Variants in ST7 observed in about 807,000 individuals in gnomAD.
ST7 encodes suppressor of tumorigenicity 7 protein.
Under a neutral mutation model 78.7 loss-of-function variants are expected in ST7, and 28 were observed. That is an observed-to-expected ratio of 0.36 (90% CI 0.26 to 0.49). The LOEUF (loss-of-function observed/expected upper bound fraction) is 0.49, where lower values mean the gene tolerates loss of function less well. Ranked by LOEUF, ST7 falls within the 20% of genes least tolerant of loss-of-function variation. ST7 has a pLI of 0.99. For missense variants in ST7, 418 were observed against 696.0 expected, an observed-to-expected ratio of 0.60 and a Z score of 4.49; for synonymous variants, 247 against 249.6, an observed-to-expected ratio of 0.99 and a Z score of 0.10.
chr7:117,112,094 A>ATGTG (rs149580533), intron 2 of ST7, among the ~76,000 whole-genome samples: 6 of 151,010 alleles, frequency 4.0e-5, no homozygotes, highest in African/African-American at 1.5e-4. Context: ...ATATATATGC[A>ATGTG]TGTGTGTGTG....
At chr7:117,178,677 C>A (rs773667277) in intron 10 of ST7, among the ~76,000 whole-genome samples, 7 of 152,172 alleles carry the variant, frequency 4.6e-5, no homozygotes, top group Non-Finnish European at 1.0e-4. Flanking sequence ...CCTTTTAAAA[C>A]TACGTCTTGA....
intron 3 of ST7, among the ~76,000 whole-genome samples, chr7:117,126,532 A>T (rs1445447105): frequency 6.6e-6 from 1 of 151,944 alleles, no homozygotes; most frequent in Non-Finnish European, 1.5e-5. Context: ...CCTCTAAGAC[A>T]TAAGCTATTA....
At chr7:117,154,100 T>C (rs868813471) in intron 9 of ST7, among the ~76,000 whole-genome samples, 10 of 152,176 alleles carry the variant, frequency 6.6e-5, no homozygotes, top group African/African-American at 2.4e-4. Context: ...CCCAAATTCA[T>C]ATGCCAAAGC....
intron 1 of ST7, among the ~76,000 whole-genome samples, chr7:117,087,306 T>G (rs1375745731): frequency 6.6e-6 from 1 of 152,156 alleles, no homozygotes; most frequent in African/African-American, 2.4e-5. Context: ...GAAAATAGAT[T>G]TATTTTTATT....
At position 117,099,046 on chromosome 7, in the gene ST7, C is replaced by CAAAAAAAAAAAAAAAAAAAAAAAAAA. The variant is rs754881472; in HGVS notation, c.152-697_152-696insAAAAAAAAAAAAAAAAAAAAAAAAAA. 1.6e-4 allele frequency among the ~76,000 whole-genome samples: 5 copies of CAAAAAAAAAAAAAAAAAAAAAAAAAA among 30,828 alleles called. 2 individuals carry two copies. The highest frequency in any genetic ancestry group is 8.4e-4 in the African/African-American group (5 of 5,952). The allele number at this position is 30,828 out of a possible 152,430, so 20.2% of individuals were successfully genotyped here. A position where few individuals can be genotyped will look rare whatever the true frequency, so the allele number is the denominator to read the frequency against. On this transcript the variant is annotated intron_variant, in intron 1 of 15. Transcript: ENST00000323984. Reference sequence around the variant, plus strand: ...TACTTTCTTAATAAACTCACTTTCGCAAAAAAAAAAAAAAAAAAACAAAAA... The same window carrying CAAAAAAAAAAAAAAAAAAAAAAAAAA: ...TACTTTCTTAATAAACTCACTTTCGCAAAAAAAAAAAAAAAAAAAAAAAAAAAAAAAAAAAAAAAAAAAAACAAAAA...
At position 117,136,336 on chromosome 7, in the gene ST7, A is replaced by G; in HGVS notation, c.865+101A>G. On this transcript the variant is annotated intron_variant, in intron 8 of 15. Transcript: ENST00000323984. ...AGTTCAAAATATGATTCTCCTAGAC[A>G]AGAGAAAATATTGGCTTTTGCTTTG... is the stretch of plus-strand genomic sequence containing the variant. 3 of 1,408,272 alleles carry G rather than the reference A, an allele frequency of 2.1e-6. No individual in the cohort carries two copies. The South Asian group carries it at 3.6e-5, about 17-fold the overall frequency. 87.2% of individuals were successfully genotyped at this position (1,408,272 alleles called of 1,614,324 possible).
At chr7:117,107,603 CTTTTTT>C (rs71528121) in intron 2 of ST7, among the ~76,000 whole-genome samples, 4 of 73,582 alleles carry the variant, frequency 5.4e-5, no homozygotes, top group African/African-American at 6.2e-5. Context: ...TAGCCCACTT[CTTTTTT>C]TTTTTTTTTT....
rs1461871231 is a variant in ST7 at position 117,213,967 on chromosome 7, G to C, written c.1405+4030G>C. Among the ~76,000 whole-genome samples, 8 of 152,210 alleles carry C rather than the reference G, an allele frequency of 5.3e-5. No homozygotes were observed. The East Asian group carries it at 1.5e-3, about 29-fold the overall frequency. On this transcript the variant is annotated intron_variant, in intron 13 of 15. Coordinates refer to ENST00000323984, the MANE Select transcript of ST7 (RefSeq NM_001369598.1). Reference sequence around the variant, plus strand: ...CGTTTGAACTGAGTCTTCTTCACTAGGGTATTACACCTATGGGGCCCTATT... The same window carrying C: ...CGTTTGAACTGAGTCTTCTTCACTACGGTATTACACCTATGGGGCCCTATT...
intron 1 of ST7, among the ~76,000 whole-genome samples, chr7:116,984,261 C>T (rs1395484863): frequency 6.6e-6 from 1 of 152,182 alleles, no homozygotes; most frequent in Non-Finnish European, 1.5e-5. Context: ...TCTGAGACTT[C>T]TCAGCCTCCA....
rs1419532323 is a variant in ST7, at chr7:117,229,918, C to G, written c.*61C>G. On this transcript the variant is annotated 3_prime_UTR_variant, in exon 16 of 16. Coordinates refer to ENST00000323984, the MANE Select transcript of ST7 (RefSeq NM_001369598.1). ...TGCCACCATCTCCTCTGTGCCAACT[C>G]CTTGTGGACCGCAAGAAAGCATGAC... 18 of 1,355,716 alleles carry G rather than the reference C, an allele frequency of 1.3e-5. No individual in the cohort carries two copies. The highest frequency in any genetic ancestry group is 1.8e-5 in the Non-Finnish European group (17 of 944,410). The allele number at this position is 1,355,716 out of a possible 1,614,324, so 84.0% of individuals were successfully genotyped here. A position where few individuals can be genotyped will look rare whatever the true frequency, so the allele number is the denominator to read the frequency against.
At chr7:117,151,388 T>C (rs1000607685) in intron 9 of ST7, among the ~76,000 whole-genome samples, 4 of 152,142 alleles carry the variant, frequency 2.6e-5, no homozygotes, top group African/African-American at 9.7e-5. Flanking sequence ...GATCCTTTCT[T>C]AGGACCTTTG....
intron 1 of ST7, among the ~76,000 whole-genome samples, chr7:117,038,886 T>C (rs1189640614): frequency 2.0e-5 from 3 of 152,200 alleles, no homozygotes; most frequent in Non-Finnish European, 4.4e-5. Context: ...CAATGATATC[T>C]TCTCTTAATA....
At chr7:117,033,706 G>T (rs1249908883) in intron 1 of ST7, among the ~76,000 whole-genome samples, 9 of 152,176 alleles carry the variant, frequency 5.9e-5, no homozygotes, top group Admixed American at 5.9e-4. Context: ...TTACAGGCGT[G>T]AGCCAGCACG....
chr7:117,036,906 CTT>C (rs1228395759), intron 1 of ST7, among the ~76,000 whole-genome samples: 5 of 152,116 alleles, frequency 3.3e-5, no homozygotes, highest in Non-Finnish European at 7.4e-5. Context: ...CAGTTTCAGA[CTT>C]TTTTTCTTTC....
At position 117,077,087 on chromosome 7, in the gene ST7, A is replaced by G. The variant is rs181529522; in HGVS notation, c.152-22675A>G. 1.6e-3 allele frequency among the ~76,000 whole-genome samples: 240 copies of G among 152,290 alleles called. 3 individuals are homozygous for G. The highest frequency in any genetic ancestry group is 1.1e-3 in the Non-Finnish European group (76 of 68,030). ...CCCTGGAGTCTGGCTGTCTCCAGCC[A>G]GATTCTTTTTTGAAGTAATGTCGTC... On this transcript the variant is annotated intron_variant, in intron 1 of 15. Coordinates refer to ENST00000323984, the MANE Select transcript of ST7 (RefSeq NM_001369598.1).
At chr7:116,991,055 GTTTGTTC>G (rs1183455753) in intron 1 of ST7, among the ~76,000 whole-genome samples, 2 of 152,104 alleles carry the variant, frequency 1.3e-5, no homozygotes, top group African/African-American at 4.8e-5. Context: ...CTCCTCAAAG[GTTTGTTC>G]GTTCTCGTTG....
intron 1 of ST7, among the ~76,000 whole-genome samples, chr7:117,038,162 C>A (rs1796995960): frequency 2.0e-5 from 3 of 152,176 alleles, no homozygotes; most frequent in African/African-American, 7.2e-5. Context: ...GGGACCACAG[C>A]AAATTGTAGG....
chr7:117,172,620 G>C (rs542770354), intron 10 of ST7, among the ~76,000 whole-genome samples: 1 of 152,284 alleles, frequency 6.6e-6, no homozygotes, highest in South Asian at 2.1e-4. Flanking sequence ...CTAAACAGTG[G>C]TCCAAGCTTA....
chr7:117,088,954 C>T (rs555905383), intron 1 of ST7, among the ~76,000 whole-genome samples: 39 of 152,286 alleles, frequency 2.6e-4, no homozygotes, highest in Non-Finnish European at 4.6e-4. Context: ...AAGGCCAGTG[C>T]GTATAGTACA....
Sources: allele counts gnomAD v4.1 joint callset (sites outside exome capture counted in the v4.1 genomes callset), GRCh38; gene constraint gnomAD v4.1.1; transcripts MANE v1.5; gene names NCBI Gene and HGNC (gene_info 2026-07-23, HGNC 2026-07-21).